The following PRCD variants were observed in gnomAD, a reference collection of about 807,000 sequenced individuals.
The protein encoded by PRCD is photoreceptor disc component, also known as photoreceptor disk component PRCD.
A neutral mutation model predicts 10.1 loss-of-function variants in PRCD; 12 were observed. The ratio of observed to expected loss-of-function variants is 1.18; its 90% CI spans 0.76 to 1.92. PRCD has a LOEUF of 1.92. PRCD is among the 40% of genes most tolerant of loss of function. PRCD has a pLI of 0.00. For missense variants in PRCD, 61 were observed against 72.2 expected (o/e 0.84, Z 0.56); for synonymous variants, 31 against 26.2 (o/e 1.18, Z -0.56).
Position 76,528,356 on chromosome 17 carries a change from C to G in PRCD, n.45+523C>G. ...AGTAGAAAAGCTAAGAAGAGTGGGC[C>G]CCGCTCTGCCCGCCGCGCTGGGGTC... is the stretch of plus-strand genomic sequence containing the variant. On this transcript the variant is annotated intron_variant and non_coding_transcript_variant, in intron 1 of 4. Coordinates refer to the PRCD transcript ENST00000397633. This position sits in a 1 kb window ranked among gnomAD's most constrained non-coding sequence, Gnocchi z 5.8. The G allele has an allele frequency of 7.3e-6, 3 of 411,986 alleles. No individual in the cohort carries two copies. The highest frequency in any genetic ancestry group is 8.5e-6 in the Non-Finnish European group (2 of 235,714). 25.5% of individuals were successfully genotyped at this position (411,986 alleles called of 1,614,324 possible).
Position 76,530,858 on chromosome 17 carries a change from C to G in PRCD, n.45+3025C>G. 1 of 1,180,378 alleles carries G rather than the reference C, an allele frequency of 8.5e-7. No homozygotes were observed. Among genetic ancestry groups the G allele is most frequent in the Non-Finnish European group, 1.2e-6 (1 of 859,546 alleles). The allele number at this position is 1,180,378 out of a possible 1,614,324, so 73.1% of individuals were successfully genotyped here. A position where few individuals can be genotyped will look rare whatever the true frequency, so the allele number is the denominator to read the frequency against. On this transcript the variant is annotated intron_variant and non_coding_transcript_variant, in intron 1 of 4. Transcript: ENST00000397633. This position sits in a 1 kb window ranked among gnomAD's most constrained non-coding sequence, Gnocchi z 6.1. ...TTACATGTCAGACCCCAGGGTTGGCCTGCCTCAAGTGTGCCTGCCCAGGTG... is the reference window on the plus strand; with the variant it reads ...TTACATGTCAGACCCCAGGGTTGGCGTGCCTCAAGTGTGCCTGCCCAGGTG...
rs2074976516 is a variant in PRCD at position 76,540,381 on chromosome 17, T to TA, written c.75-123dup. On this transcript the variant is annotated intron_variant, in intron 1 of 4. Coordinates refer to ENST00000592014, the MANE Select transcript of PRCD (RefSeq NM_001077620.3). The surrounding 1 kb of genome is among the most constrained non-coding windows in gnomAD (Gnocchi z 5.0). ...AGCACAGTCTCAGAGCAGGGGGACT[T>TA]AGAGCTTCAAAGGCTCTAGTTGCAG... is the stretch of plus-strand genomic sequence containing the variant. 6.8e-6 allele frequency: 9 copies of TA among 1,317,426 alleles called. No individual in the cohort carries two copies. In the Admixed American group the frequency reaches 7.0e-5, roughly 10 times the overall value. 81.6% of individuals were successfully genotyped at this position (1,317,426 alleles called of 1,614,324 possible).
chr17:76,535,730 A>G (rs987862373), upstream of PRCD, among the ~76,000 whole-genome samples: 1 of 152,210 alleles, frequency 6.6e-6, no homozygotes, highest in Non-Finnish European at 1.5e-5. Flanking sequence ...CTGCCCAGAC[A>G]TGGCCCTGGC....
chr17:76,541,780 A>G (rs980434289), intron 2 of PRCD, among the ~76,000 whole-genome samples: 7 of 152,162 alleles, frequency 4.6e-5, no homozygotes, highest in South Asian at 2.1e-4. Flanking sequence ...CCGGGTCTAG[A>G]GTTGGGCAGG....
chr17:76,539,136 G>A (rs1324798060), upstream of PRCD, among the ~76,000 whole-genome samples: 2 of 152,096 alleles, frequency 1.3e-5, no homozygotes, highest in African/African-American at 4.8e-5. Flanking sequence ...CTGGAGGGGA[G>A]CGGGTGGGTT....
rs1598205563 is a variant in PRCD at position 76,534,147 on chromosome 17, T to TCTCTCTCTCTCTCC, written n.45+6327_45+6328insCCTCTCTCTCTCTC. ...CTTTCTTTCTCTCTCTCTTTCTCTT[T>TCTCTCTCTCTCTCC]CTCTCTCTCTCTCTCTCTCTCTCTC... On this transcript the variant is annotated intron_variant and non_coding_transcript_variant, in intron 1 of 4. Coordinates refer to the PRCD transcript ENST00000397633. Among the ~76,000 whole-genome samples the TCTCTCTCTCTCTCC allele has an allele frequency of 6.4e-4, 3 of 4,682 alleles. No homozygotes were observed. In the East Asian group the frequency reaches 0.12, roughly 180 times the overall value. The allele number at this position is 4,682 out of a possible 152,430, so 3.1% of individuals were successfully genotyped here.
rs372547275 is a variant in PRCD at position 76,529,518 on chromosome 17, G to A, written n.45+1685G>A. On this transcript the variant is annotated intron_variant and non_coding_transcript_variant, in intron 1 of 4. Transcript: ENST00000397633. The stretch of plus-strand genomic sequence containing the variant: ...GTGTTTCTGATTCACTGGGGCTCGC[G>A]CCCAGCCAGCTCTCTTTCCAGTCTC... 1.5e-4 allele frequency: 145 copies of A among 985,438 alleles called. No individual in the cohort carries two copies. The South Asian group carries it at 5.6e-3, about 38-fold the overall frequency. The allele number at this position is 985,438 out of a possible 1,614,324, so 61.0% of individuals were successfully genotyped here. A position where few individuals can be genotyped will look rare whatever the true frequency, so the allele number is the denominator to read the frequency against.
chr17:76,549,955 G>GT (rs1555625615), downstream of PRCD: 36 of 150,626 alleles, frequency 2.4e-4, no homozygotes, highest in Admixed American at 1.7e-3. Context: ...TTTTTTGTTT[G>GT]TTTTTTTTTC....
In PRCD at chr17:76,530,454, T is replaced by C. The variant is rs1368447955; in HGVS notation, n.45+2621T>C. 6.6e-6 allele frequency among the ~76,000 whole-genome samples: 1 copy of C among 152,128 alleles called. No homozygotes were observed. The highest frequency in any genetic ancestry group is 1.5e-5 in the Non-Finnish European group (1 of 68,002). On this transcript the variant is annotated intron_variant and non_coding_transcript_variant, in intron 1 of 4. Transcript: ENST00000397633. The surrounding 1 kb of genome is among the most constrained non-coding windows in gnomAD (Gnocchi z 6.1). ...CTCGTGTGCGTGTGAGCGACACCCA[T>C]GTAGCTTCCTCGTGGGCTGGGGTGT...
downstream of PRCD, among the ~76,000 whole-genome samples, chr17:76,547,949 CAT>C (rs1415897290): frequency 6.6e-5 from 10 of 151,482 alleles, no homozygotes; most frequent in South Asian, 4.2e-4. Flanking sequence ...TATTCACACA[CAT>C]ATACACACAC....
In PRCD at chr17:76,542,667, G is replaced by A. The variant is rs773186665; in HGVS notation, c.*59+34G>A. 2.9e-6 allele frequency: 4 copies of A among 1,403,380 alleles called. No individual in the cohort carries two copies. The Admixed American group carries it at 6.8e-5, about 24-fold the overall frequency. The allele number at this position is 1,403,380 out of a possible 1,614,324, so 86.9% of individuals were successfully genotyped here. A position where few individuals can be genotyped will look rare whatever the true frequency, so the allele number is the denominator to read the frequency against. ...GGGCTGGGAGCCGGGGAGGGCAGAG[G>A]GCAAGGCTTGGGACAGGCAGGAAGC... On this transcript the variant is annotated intron_variant, in intron 3 of 4. Transcript: ENST00000592014.
chr17:76,531,798 CCCCCGCACCGTCACTGTT>C lies in PRCD; in HGVS notation n.45+3966_45+3983del. The C allele has an allele frequency of 1.1e-6, 1 of 874,514 alleles. No homozygotes were observed. Among genetic ancestry groups the C allele is most frequent in the South Asian group, 1.7e-5 (1 of 58,196 alleles). 54.2% of individuals were successfully genotyped at this position (874,514 alleles called of 1,614,324 possible). On this transcript the variant is annotated intron_variant and non_coding_transcript_variant, in intron 1 of 4. Coordinates refer to the PRCD transcript ENST00000397633. This position sits in a 1 kb window ranked among gnomAD's most constrained non-coding sequence, Gnocchi z 7.4. ...AAGAAGTGGACCGCAGTGCTCCCCACCCCCGCACCGTCACTGTTTTCACTACCATCAGTAGACCTCAGC... is the reference window on the plus strand; with the variant it reads ...AAGAAGTGGACCGCAGTGCTCCCCACTTCACTACCATCAGTAGACCTCAGC...
At chr17:76,534,632 T>C (rs1236058801) in intron 1 of PRCD, among the ~76,000 whole-genome samples, 4 of 152,220 alleles carry the variant, frequency 2.6e-5, no homozygotes, top group African/African-American at 4.8e-5. Flanking sequence ...CCCCATCCTA[T>C]GAATTAGGAA....
chr17:76,537,199 C>T (rs1045864443), upstream of PRCD, among the ~76,000 whole-genome samples: 1 of 152,204 alleles, frequency 6.6e-6, no homozygotes, highest in African/African-American at 2.4e-5. Flanking sequence ...CTGGTGAACA[C>T]CGCGCCGGAG....
At position 76,528,668 on chromosome 17, in the gene PRCD, C is replaced by T. The variant is rs1032747762; in HGVS notation, n.45+835C>T. 26 of 1,247,738 alleles carry T rather than the reference C, an allele frequency of 2.1e-5. No individual in the cohort carries two copies. Among genetic ancestry groups the T allele is most frequent in the Admixed American group, 8.4e-5 (2 of 23,908 alleles). 77.3% of individuals were successfully genotyped at this position (1,247,738 alleles called of 1,614,324 possible). On this transcript the variant is annotated intron_variant and non_coding_transcript_variant, in intron 1 of 4. Coordinates refer to the PRCD transcript ENST00000397633. This position sits in a 1 kb window ranked among gnomAD's most constrained non-coding sequence, Gnocchi z 5.8. ...GTTACCAGAGGCAGGGAAGGACCCT[C>T]GGGGGAAAGGGGGAGGACCTGGGGC...
Position 76,530,120 on chromosome 17 carries a change from C to T in PRCD, n.45+2287C>T, listed in dbSNP as rs890976802. ...AACTGCTGGGAATGTTTCTCTACCA[C>T]GGGAATGTTTCTCTACCACGCGTGT... On this transcript the variant is annotated intron_variant and non_coding_transcript_variant, in intron 1 of 4. Transcript: ENST00000397633. This position sits in a 1 kb window ranked among gnomAD's most constrained non-coding sequence, Gnocchi z 6.1. 8.3e-5 allele frequency: 81 copies of T among 981,602 alleles called. No homozygotes were observed. The highest frequency in any genetic ancestry group is 9.7e-5 in the Non-Finnish European group (80 of 828,080). The allele number at this position is 981,602 out of a possible 1,614,324, so 60.8% of individuals were successfully genotyped here. A position where few individuals can be genotyped will look rare whatever the true frequency, so the allele number is the denominator to read the frequency against.
At chr17:76,538,576 TA>T, upstream of PRCD, 1 of 459,774 alleles carries the variant, frequency 2.2e-6, no homozygotes, top group Non-Finnish European at 4.5e-6. Flanking sequence ...AGGCACCGGA[TA>T]GGGCAGACAG....
In PRCD at chr17:76,531,426, C is replaced by T. The variant is rs376582417; in HGVS notation, n.45+3593C>T. 39 of 1,588,280 alleles carry T rather than the reference C, an allele frequency of 2.5e-5. No individual in the cohort carries two copies. In the African/African-American group the frequency reaches 3.5e-4, roughly 14 times the overall value. Reference sequence around the variant, plus strand: ...GCTGCAGATGGCCATGACGCGTGGGCGGTGGGGGCTCTGCAGCAGATGGGG... The same window carrying T: ...GCTGCAGATGGCCATGACGCGTGGGTGGTGGGGGCTCTGCAGCAGATGGGG... On this transcript the variant is annotated intron_variant and non_coding_transcript_variant, in intron 1 of 4. Transcript: ENST00000397633. The surrounding 1 kb of genome is among the most constrained non-coding windows in gnomAD (Gnocchi z 7.4).
chr17:76,531,365 C>T lies in PRCD; in HGVS notation n.45+3532C>T. On this transcript the variant is annotated intron_variant and non_coding_transcript_variant, in intron 1 of 4. Transcript: ENST00000397633. This position sits in a 1 kb window ranked among gnomAD's most constrained non-coding sequence, Gnocchi z 7.4. ...CTCTCGCAGCCACTCCGGGGATCACCTCTGTTGCTCCAGAGAGCCGTCGCA... is the reference window on the plus strand; with the variant it reads ...CTCTCGCAGCCACTCCGGGGATCACTTCTGTTGCTCCAGAGAGCCGTCGCA... The T allele has an allele frequency of 2.7e-6, 4 of 1,460,296 alleles. No homozygotes were observed. The highest frequency in any genetic ancestry group is 2.6e-5 in the South Asian group (2 of 77,862). The allele number at this position is 1,460,296 out of a possible 1,614,324, so 90.5% of individuals were successfully genotyped here. A position where few individuals can be genotyped will look rare whatever the true frequency, so the allele number is the denominator to read the frequency against.
Sources: allele counts gnomAD v4.1 joint callset (sites outside exome capture counted in the v4.1 genomes callset), GRCh38; gene constraint gnomAD v4.1.1; non-coding constraint Gnocchi (gnomAD v3.1); transcripts MANE v1.5; gene names NCBI Gene and HGNC (gene_info 2026-07-23, HGNC 2026-07-21).